Variants in CABP5 observed in about 807,000 individuals in gnomAD.
CABP5 encodes the protein calcium-binding protein 5.
Under a neutral mutation model 21.9 loss-of-function variants are expected in CABP5, and 17 were observed. The observed-to-expected ratio is 0.78, with a 90% CI of 0.53 to 1.17. CABP5 has a LOEUF of 1.17. CABP5 is among the 50% of genes most tolerant of loss of function. CABP5 has a pLI of 0.00. For missense variants in CABP5, 229 were observed against 228.9 expected (o/e 1.00, Z 0.00); for synonymous variants, 85 against 79.4 (o/e 1.07, Z -0.37).
chr19:48,039,703 C>CTTTTTTT lies in CABP5; in HGVS notation c.239-393_239-387dup, dbSNP rs772482700. On this transcript the variant is annotated intron_variant, in intron 3 of 5. Coordinates refer to ENST00000293255, the MANE Select transcript of CABP5 (RefSeq NM_019855.5). ...ACATGCCCAGAAGCAAACCCAATAG[C>CTTTTTTT]TTTTTTTTTTTTTTTTTTTTTTTTT... 3.2e-4 allele frequency among the ~76,000 whole-genome samples: 19 copies of CTTTTTTT among 59,232 alleles called. 3 individuals are homozygous for CTTTTTTT. The highest frequency in any genetic ancestry group is 6.6e-4 in the East Asian group (1 of 1,514). 38.9% of individuals were successfully genotyped at this position (59,232 alleles called of 152,430 possible).
chr19:48,037,919 T>C (rs1967431571), intron 4 of CABP5, among the ~76,000 whole-genome samples: 2 of 152,102 alleles, frequency 1.3e-5, no homozygotes, highest in South Asian at 4.1e-4. Context: ...AGACAACTTT[T>C]TCTTTTTGTT....
chr19:48,034,204 G>C lies in CABP5; in HGVS notation c.496+11C>G. The C allele has an allele frequency of 6.5e-7, 1 of 1,548,982 alleles. No homozygotes were observed. The highest frequency in any genetic ancestry group is 8.7e-7 in the Non-Finnish European group (1 of 1,146,480). On this transcript the variant is annotated intron_variant, in intron 5 of 5. Transcript: ENST00000293255. ...CTGCCCCCGCTCCCCACCACGCCCC[G>C]TCAATGTCACCTTCAAAGTCAACTG...
chr19:48,038,325 C>T (rs138906995), intron 4 of CABP5, among the ~76,000 whole-genome samples: 8 of 152,318 alleles, frequency 5.3e-5, no homozygotes, highest in African/African-American at 1.9e-4. Context: ...TGCTCCCAAA[C>T]ACTCTACTAC....
At chr19:48,042,389 C>G (rs1222688248) in intron 1 of CABP5, among the ~76,000 whole-genome samples, 1 of 152,158 alleles carries the variant, frequency 6.6e-6, no homozygotes, top group Non-Finnish European at 1.5e-5. Flanking sequence ...TTATTGCTGC[C>G]CCACCTACTC....
intron 1 of CABP5, among the ~76,000 whole-genome samples, chr19:48,043,219 G>A (rs1391470984): frequency 1.3e-5 from 2 of 150,392 alleles, no homozygotes; most frequent in Non-Finnish European, 3.0e-5. Flanking sequence ...TGTTTCCCAG[G>A]CTGGTCTCAA....
rs55935218 is a variant in CABP5, at chr19:48,040,461, G to C, written c.238+144C>G. On this transcript the variant is annotated intron_variant, in intron 3 of 5. Coordinates refer to ENST00000293255, the MANE Select transcript of CABP5 (RefSeq NM_019855.5). ...ACTTCAAATGCTGCCTTCCTGAGTC[G>C]AATCTGACCTGTTTTCTTCCAGACT... 195 of 758,682 alleles carry C rather than the reference G, an allele frequency of 2.6e-4. 2 individuals carry two copies. Among genetic ancestry groups the C allele is most frequent in the Non-Finnish European group, 3.7e-4 (180 of 487,334 alleles). The allele number at this position is 758,682 out of a possible 1,614,324, so 47.0% of individuals were successfully genotyped here.
intron 5 of CABP5, 42 bp downstream of exon 5, chr19:48,034,173 C>A (rs768536606): frequency 2.0e-6 from 3 of 1,473,056 alleles, no homozygotes; most frequent in East Asian, 2.6e-5. Context: ...TGGATTCCTG[C>A]GGTGGCTGCC....
chr19:48,037,412 G>A lies in CABP5; in HGVS notation c.348+1796C>T, dbSNP rs556264124. ...GCCTCCTGAGTACTTGGGATTACAC[G>A]CATGTACCACCACGCCTAGCTAATT... is the stretch of plus-strand genomic sequence containing the variant. On this transcript the variant is annotated intron_variant, in intron 4 of 5. Coordinates refer to ENST00000293255, the MANE Select transcript of CABP5 (RefSeq NM_019855.5). Among the ~76,000 whole-genome samples, 93 of 151,530 alleles carry A rather than the reference G, an allele frequency of 6.1e-4. No homozygotes were observed. The Middle Eastern group carries it at 0.01, about 17-fold the overall frequency.
intron 5 of CABP5, among the ~76,000 whole-genome samples, chr19:48,032,874 G>A (rs1282911080): frequency 2.6e-5 from 4 of 151,834 alleles, no homozygotes; most frequent in African/African-American, 4.8e-5. Context: ...CAGGTGATCC[G>A]CCAACCTTGG....
intron 4 of CABP5, among the ~76,000 whole-genome samples, chr19:48,037,625 T>C (rs1231671244): frequency 6.6e-6 from 1 of 152,036 alleles, no homozygotes; most frequent in African/African-American, 2.4e-5. Flanking sequence ...ATGAAACTAA[T>C]TTTTAATATT....
At position 48,029,790 on chromosome 19, in the gene CABP5, C is replaced by T. The variant is rs958705669; in HGVS notation, c.*767G>A. On this transcript the variant is annotated 3_prime_UTR_variant, in exon 6 of 6. Transcript: ENST00000293255. Reference sequence around the variant, plus strand: ...AGGGATGTGGGAGGGGAGACAGAGACAGACAGACAGAGAGAGAGAGAGAGA... The same window carrying T: ...AGGGATGTGGGAGGGGAGACAGAGATAGACAGACAGAGAGAGAGAGAGAGA... Among the ~76,000 whole-genome samples the T allele has an allele frequency of 5.8e-5, 6 of 102,886 alleles. No homozygotes were observed. Among genetic ancestry groups the T allele is most frequent in the Non-Finnish European group, 1.3e-4 (6 of 45,656 alleles). 67.5% of individuals were successfully genotyped at this position (102,886 alleles called of 152,430 possible).
At chr19:48,038,527 A>G (rs926651833) in intron 4 of CABP5, among the ~76,000 whole-genome samples, 1 of 152,098 alleles carries the variant, frequency 6.6e-6, no homozygotes, top group African/African-American at 2.4e-5. Context: ...TGTTACAGGC[A>G]CTAAGAATAG....
intron 5 of CABP5, among the ~76,000 whole-genome samples, 173 bp downstream of exon 5, chr19:48,034,042 T>G (rs1275509096): frequency 1.3e-5 from 2 of 152,114 alleles, no homozygotes; most frequent in Admixed American, 1.3e-4. Context: ...TTGAAATGAA[T>G]AGCCTGGGAA....
chr19:48,033,582 T>C (rs17663607), intron 5 of CABP5, among the ~76,000 whole-genome samples: 31,442 of 151,730 alleles, frequency 0.21, 4,086 homozygotes, highest in Non-Finnish European at 0.28. Context: ...AGGTGGGAGG[T>C]ACCTTCCAGG....
Position 48,041,794 on chromosome 19 carries a change from C to T in CABP5, c.64-191G>A, listed in dbSNP as rs10418611. Reference sequence around the variant, plus strand: ...CCACAGTTCTTGGCTCCCCACCCCCCTCTCGATGTCTCTCTCCCACCCACG... The same window carrying T: ...CCACAGTTCTTGGCTCCCCACCCCCTTCTCGATGTCTCTCTCCCACCCACG... On this transcript the variant is annotated intron_variant, in intron 1 of 5. Transcript: ENST00000293255. Among the ~76,000 whole-genome samples the T allele has an allele frequency of 2.4e-4, 37 of 152,114 alleles. 1 individual carries two copies. Among genetic ancestry groups the T allele is most frequent in the African/African-American group, 8.2e-4 (34 of 41,510 alleles).
At chr19:48,033,200 C>T (rs1428520796) in intron 5 of CABP5, among the ~76,000 whole-genome samples, 2 of 152,048 alleles carry the variant, frequency 1.3e-5, no homozygotes, top group Admixed American at 6.6e-5. Context: ...GACAGGATTT[C>T]GCCATGTTGG....
intron 4 of CABP5, among the ~76,000 whole-genome samples, chr19:48,035,471 C>A (rs985932817): frequency 2.0e-5 from 3 of 152,226 alleles, no homozygotes; most frequent in African/African-American, 7.2e-5. Flanking sequence ...GTGGCGCATG[C>A]CTGTAGTCCC....
chr19:48,033,014 C>CTT (rs370570252), intron 5 of CABP5, among the ~76,000 whole-genome samples: 6 of 123,242 alleles, frequency 4.9e-5, no homozygotes, highest in East Asian at 2.6e-4. Context: ...ACTTGACATG[C>CTT]TTTTTTTTTT....
rs531344733 is a variant in CABP5 at position 48,036,206 on chromosome 19, T to TA, written c.349-1845dup. ...TTCAACACATATGTATCCATATTGC[T>TA]AAAAAAAAATGTGTCAGTAGTGCCC... On this transcript the variant is annotated intron_variant, in intron 4 of 5. Transcript: ENST00000293255. 6.8e-3 allele frequency among the ~76,000 whole-genome samples: 1,024 copies of TA among 151,160 alleles called. 7 individuals carry two copies. The highest frequency in any genetic ancestry group is 0.015 in the African/African-American group (609 of 41,238).
Sources: gnomAD v4.1 joint callset for allele counts (sites outside exome capture counted in the v4.1 genomes callset) on GRCh38, gnomAD v4.1.1 for gene constraint, MANE v1.5 for transcripts, NCBI Gene and HGNC (gene_info 2026-07-23, HGNC 2026-07-21) for gene names.